Variants in GARIN2 observed in about 807,000 individuals in gnomAD.
GARIN2 encodes the protein golgi associated RAB2 interactor family member 2, also known as Golgi-associated RAB2 interactor protein 2.
At chr14:67,200,483 A>T in the GARIN2 span, 4 of 382,250 alleles carry the variant, frequency 1.0e-5, no homozygotes, top group East Asian at 2.1e-4. Context: ...CACAGGAGGT[A>T]TTTCTTTTTT....
the GARIN2 span, among the ~76,000 whole-genome samples, chr14:67,200,737 A>G: frequency 2.0e-5 from 3 of 152,142 alleles, no homozygotes; most frequent in African/African-American, 7.2e-5. Context: ...ACTTTACCTT[A>G]TACATACTTC....
the GARIN2 span, among the ~76,000 whole-genome samples, chr14:67,212,562 G>A: frequency 4.6e-5 from 6 of 131,068 alleles, no homozygotes; most frequent in Admixed American, 7.7e-5. Context: ...CTGCACTCCA[G>A]CCTGGGTGAC....
At chr14:67,199,907 C>A in the GARIN2 span, 5 of 1,477,776 alleles carry the variant, frequency 3.4e-6, no homozygotes, top group Non-Finnish European at 4.5e-6. Flanking sequence ...ACCCCAGGGG[C>A]AGGACATCCT....
At chr14:67,223,061 A>G in the GARIN2 span, among the ~76,000 whole-genome samples, 22,934 of 143,044 alleles carry the variant, frequency 0.16, 3,349 homozygotes, top group East Asian at 0.43. Context: ...GTGCAGTGGC[A>G]CAATCTTGGC....
the GARIN2 span, among the ~76,000 whole-genome samples, chr14:67,210,101 C>T: frequency 6.6e-6 from 1 of 152,174 alleles, no homozygotes. Flanking sequence ...GTTTGTATTC[C>T]TTTACTTATG....
chr14:67,204,736 G>T, the GARIN2 span: 4 of 1,613,924 alleles, frequency 2.5e-6, no homozygotes, highest in Non-Finnish European at 3.4e-6. Flanking sequence ...AGTGTCGGAG[G>T]TTTCAAGTCT....
At chr14:67,203,724 T>G in the GARIN2 span, among the ~76,000 whole-genome samples, 1 of 152,232 alleles carries the variant, frequency 6.6e-6, no homozygotes, top group African/African-American at 2.4e-5. Context: ...TGACGTGTTT[T>G]GTTTTTGAGA....
the GARIN2 span, among the ~76,000 whole-genome samples, chr14:67,196,462 T>A: frequency 6.6e-6 from 1 of 152,196 alleles, no homozygotes; most frequent in Non-Finnish European, 1.5e-5. Context: ...CCTAAGGTGA[T>A]CTGCCCGCCT....
the GARIN2 span, among the ~76,000 whole-genome samples, chr14:67,226,489 T>C: frequency 1.3e-5 from 2 of 152,212 alleles, no homozygotes; most frequent in Admixed American, 1.3e-4. Flanking sequence ...GCCTCCCAAG[T>C]AGCTGGGACT....
chr14:67,194,909 T>C, the GARIN2 span, among the ~76,000 whole-genome samples: 7 of 152,344 alleles, frequency 4.6e-5, 2 homozygotes, highest in African/African-American at 1.7e-4. Context: ...CTGCCCACCT[T>C]GGCCTCTTAA....
the GARIN2 span, chr14:67,198,140 T>A: frequency 6.3e-7 from 1 of 1,598,368 alleles, no homozygotes; most frequent in African/African-American, 1.3e-5. Flanking sequence ...CCTCAGTTTT[T>A]TTATGTTTAT....
chr14:67,225,292 A>G, the GARIN2 span: 1 of 1,425,154 alleles, frequency 7.0e-7, no homozygotes, highest in Non-Finnish European at 9.2e-7. Context: ...AAGTCTCTAT[A>G]GGAATACATG....
chr14:67,198,937 C>T, the GARIN2 span: 1 of 700,936 alleles, frequency 1.4e-6, no homozygotes, highest in Non-Finnish European at 2.6e-6. Context: ...ACACTAAACA[C>T]TGAGCTATTA....
At chr14:67,192,244 C>T in the GARIN2 span, among the ~76,000 whole-genome samples, 158 of 152,226 alleles carry the variant, frequency 1.0e-3, no homozygotes, top group African/African-American at 3.5e-3. Flanking sequence ...AATACACAAT[C>T]GTGATAGAAT....
At chr14:67,193,541 A>G in the GARIN2 span, among the ~76,000 whole-genome samples, 2 of 144,474 alleles carry the variant, frequency 1.4e-5, no homozygotes, top group Non-Finnish European at 3.0e-5. Context: ...CTATAGAAAT[A>G]TATATCTATA....
chr14:67,199,526 G>T, the GARIN2 span: 1 of 1,611,450 alleles, frequency 6.2e-7, no homozygotes, highest in Non-Finnish European at 8.5e-7. Context: ...TGATGCTTCA[G>T]TTGCAGCAAT....
the GARIN2 span, chr14:67,199,349 G>T: frequency 4.3e-6 from 7 of 1,614,052 alleles, no homozygotes; most frequent in Non-Finnish European, 5.9e-6. Flanking sequence ...CAAAAACCTG[G>T]ATGTAGGGGC....
At chr14:67,214,642 G>A in the GARIN2 span, among the ~76,000 whole-genome samples, 62 of 151,956 alleles carry the variant, frequency 4.1e-4, no homozygotes, top group East Asian at 2.1e-3. Flanking sequence ...TTGACTTGGC[G>A]ATGCGGGCTC....
the GARIN2 span, among the ~76,000 whole-genome samples, chr14:67,193,302 A>ATCTCTATATAGACATCTATC: frequency 7.7e-6 from 1 of 129,962 alleles, no homozygotes; most frequent in African/African-American, 2.8e-5. Context: ...ATCTATCTAT[A>ATCTCTATATAGACATCTATC]TATCTCTATA....
Sources: allele counts gnomAD v4.1 joint callset (sites outside exome capture counted in the v4.1 genomes callset), GRCh38; gene constraint gnomAD v4.1.1; transcripts MANE v1.5; gene names NCBI Gene and HGNC (gene_info 2026-07-23, HGNC 2026-07-21).